The following UNC13C variants were observed in gnomAD, a reference collection of about 807,000 sequenced individuals.
UNC13C encodes protein unc-13 homolog C.
UNC13C carries 174 observed loss-of-function variants against 245.4 expected under a neutral mutation model. The observed-to-expected ratio is 0.71, with a 90% confidence interval of 0.63 to 0.80. The LOEUF (loss-of-function observed/expected upper bound fraction) is 0.80. UNC13C is among the 30% of genes least tolerant of loss of function. The probability of loss-of-function intolerance (pLI) is 0.00; values close to 1 mark genes in which losing one functional copy is unlikely to be tolerated. For missense variants in UNC13C, 2,829 were observed against 2,602.9 expected (o/e 1.09, Z -1.89); for synonymous variants, 992 against 895.1 (o/e 1.11, Z -1.93).
intron 17 of UNC13C, among the ~76,000 whole-genome samples, chr15:54,381,140 G>T (rs903118234): frequency 1.3e-5 from 2 of 152,094 alleles, no homozygotes; most frequent in African/African-American, 2.4e-5. Context: ...TTTGTGTCTG[G>T]TGTCAAATAA....
At chr15:53,859,741 G>A in the UNC13C span, among the ~76,000 whole-genome samples, 16 of 152,244 alleles carry the variant, frequency 1.1e-4, no homozygotes, top group African/African-American at 3.8e-4. Context: ...GTTCTAGGCT[G>A]TTTCCCAGAT....
chr15:54,203,014 C>G lies in UNC13C; in HGVS notation c.3072-32016C>G, dbSNP rs2034572493. Among the ~76,000 whole-genome samples, 3 of 151,776 alleles carry G rather than the reference C, an allele frequency of 2.0e-5. No homozygotes were observed. In the South Asian group the frequency reaches 6.2e-4, roughly 32 times the overall value. On this transcript the variant is annotated intron_variant, in intron 4 of 32. Coordinates refer to ENST00000260323, the MANE Select transcript of UNC13C (RefSeq NM_001080534.3). ...AAAATGGGCTAAGGACATAAATATA[C>G]AATTCTCAAAGGAAGATATAAAAAT...
chr15:54,458,989 T>C (rs1339958612), intron 19 of UNC13C, among the ~76,000 whole-genome samples: 1 of 152,078 alleles, frequency 6.6e-6, no homozygotes, highest in African/African-American at 2.4e-5. Context: ...GATTTATAGG[T>C]CCTGTTGATT....
In UNC13C at chr15:54,627,952, T is replaced by TGACA. The variant is rs1596714667; in HGVS notation, c.*841_*844dup. ...AACTATATTGTTAATATCTTCCCTC[T>TGACA]GACAGTTATGACTCTATAATCAGTT... is the stretch of plus-strand genomic sequence containing the variant. On this transcript the variant is annotated 3_prime_UTR_variant, in exon 33 of 33. Coordinates refer to ENST00000260323, the MANE Select transcript of UNC13C (RefSeq NM_001080534.3). The TGACA allele has an allele frequency of 1.3e-5, 2 of 152,594 alleles. No individual in the cohort carries two copies. Among genetic ancestry groups the TGACA allele is most frequent in the South Asian group, 2.1e-4 (1 of 4,834 alleles). 9.5% of individuals were successfully genotyped at this position (152,594 alleles called of 1,614,324 possible). A position where few individuals can be genotyped will look rare whatever the true frequency, so the allele number is the denominator to read the frequency against.
In UNC13C at chr15:54,210,236, T is replaced by C. The variant is rs574846179; in HGVS notation, c.3072-24794T>C. 1.0e-3 allele frequency among the ~76,000 whole-genome samples: 88 copies of C among 84,808 alleles called. 3 individuals carry two copies. The highest frequency in any genetic ancestry group is 7.9e-3 in the Admixed American group (70 of 8,812). 55.6% of individuals were successfully genotyped at this position (84,808 alleles called of 152,430 possible). A position where few individuals can be genotyped will look rare whatever the true frequency, so the allele number is the denominator to read the frequency against. On this transcript the variant is annotated intron_variant, in intron 4 of 32. Transcript: ENST00000260323. ...TATATATATATATAGTTAACTGCAT[T>C]AATATATATATATATATATGGTCTA... is the stretch of plus-strand genomic sequence containing the variant.
intron 18 of UNC13C, among the ~76,000 whole-genome samples, chr15:54,413,488 T>C (rs913051771): frequency 6.6e-6 from 1 of 152,174 alleles, no homozygotes; most frequent in Admixed American, 6.5e-5. Context: ...ATTGTTTGCC[T>C]AGGGTTATTT....
chr15:54,012,872 T>G lies in UNC13C; in HGVS notation c.-32T>G. ...TCATCCTGATACTTGTTTACTTTTCTGGGGCAGAAAAGCTTGCACTAATTG... is the reference window on the plus strand; with the variant it reads ...TCATCCTGATACTTGTTTACTTTTCGGGGGCAGAAAAGCTTGCACTAATTG... On this transcript the variant is annotated 5_prime_UTR_variant, in exon 2 of 33. Transcript: ENST00000260323. The G allele has an allele frequency of 6.6e-7, 1 of 1,509,720 alleles. No homozygotes were observed. The highest frequency in any genetic ancestry group is 8.9e-7 in the Non-Finnish European group (1 of 1,119,086). The allele number at this position is 1,509,720 out of a possible 1,614,324, so 93.5% of individuals were successfully genotyped here.
intron 30 of UNC13C, among the ~76,000 whole-genome samples, chr15:54,595,633 G>C (rs1052497520): frequency 6.6e-6 from 1 of 152,136 alleles, no homozygotes; most frequent in Non-Finnish European, 1.5e-5. Context: ...TGATTATTTT[G>C]TTTAAGTTAT....
At chr15:53,999,619 CT>C (rs1280552518) in intron 1 of UNC13C, among the ~76,000 whole-genome samples, 1 of 151,576 alleles carries the variant, frequency 6.6e-6, no homozygotes, top group Admixed American at 6.6e-5. Context: ...ATTTAATTTG[CT>C]CTTTTTTTGA....
chr15:54,393,461 C>G (rs954918271), intron 18 of UNC13C, among the ~76,000 whole-genome samples: 4 of 151,600 alleles, frequency 2.6e-5, no homozygotes, highest in South Asian at 2.1e-4. Context: ...CCTTTCATAG[C>G]TATACCATTG....
chr15:54,377,832 T>C (rs1267731956), intron 17 of UNC13C, among the ~76,000 whole-genome samples: 1 of 152,172 alleles, frequency 6.6e-6, no homozygotes, highest in Non-Finnish European at 1.5e-5. Flanking sequence ...CACCTCTTAA[T>C]AGTATTGCAT....
intron 30 of UNC13C, among the ~76,000 whole-genome samples, chr15:54,611,843 TA>T (rs1467339998): frequency 2.0e-5 from 3 of 152,150 alleles, no homozygotes; most frequent in Admixed American, 6.5e-5. Context: ...GCTTGTGTTA[TA>T]TTTTTTGTAA....
At chr15:54,004,950 C>T (rs1374350004) in intron 1 of UNC13C, among the ~76,000 whole-genome samples, 3 of 152,026 alleles carry the variant, frequency 2.0e-5, no homozygotes, top group East Asian at 3.9e-4. Flanking sequence ...TTCTCTCATT[C>T]TCTGGGTTGT....
intron 1 of UNC13C, among the ~76,000 whole-genome samples, chr15:54,002,399 T>C (rs1894938062): frequency 6.6e-6 from 1 of 152,072 alleles, no homozygotes. Flanking sequence ...CTCTTCTGTC[T>C]TTAAAATGAG....
At chr15:54,293,594 A>G (rs2140935848) in intron 10 of UNC13C, among the ~76,000 whole-genome samples, 1 of 152,162 alleles carries the variant, frequency 6.6e-6, no homozygotes, top group South Asian at 2.1e-4. Flanking sequence ...TCAATAGGAA[A>G]TATGGCATAA....
At chr15:53,849,611 G>A in the UNC13C span, among the ~76,000 whole-genome samples, 10 of 151,626 alleles carry the variant, frequency 6.6e-5, no homozygotes, top group African/African-American at 2.2e-4. Context: ...TTCCAAAAAA[G>A]CATTTTCAGA....
chr15:54,075,053 C>T (rs182621638), intron 2 of UNC13C, among the ~76,000 whole-genome samples: 1 of 152,240 alleles, frequency 6.6e-6, no homozygotes, highest in Non-Finnish European at 1.5e-5. Context: ...TGTGCTCCAA[C>T]ATTTACTATG....
intron 18 of UNC13C, among the ~76,000 whole-genome samples, chr15:54,398,409 T>C (rs2040115075): frequency 6.6e-6 from 1 of 151,352 alleles, no homozygotes; most frequent in Non-Finnish European, 1.5e-5. Flanking sequence ...TCTATGGTTT[T>C]ATTTTCTTAT....
chr15:53,942,328 C>T, the UNC13C span, among the ~76,000 whole-genome samples: 2 of 152,100 alleles, frequency 1.3e-5, no homozygotes, highest in South Asian at 4.1e-4. Flanking sequence ...CGCATGTTCT[C>T]ATTTATAAGT....
Sources: gnomAD v4.1 joint callset for allele counts (sites outside exome capture counted in the v4.1 genomes callset) on GRCh38, gnomAD v4.1.1 for gene constraint, MANE v1.5 for transcripts, NCBI Gene and HGNC (gene_info 2026-07-23, HGNC 2026-07-21) for gene names.